ERAP1: variants seen among roughly 807,000 people sequenced by gnomAD.
ERAP1 encodes the protein endoplasmic reticulum aminopeptidase 1, also known as adipocyte-derived leucine aminopeptidase.
A neutral mutation model predicts 103.7 loss-of-function variants in ERAP1; 86 were observed. The ratio of observed to expected loss-of-function variants is 0.83; its 90% CI spans 0.70 to 0.99. The LOEUF is 0.99. Ranked by LOEUF, ERAP1 falls within the 50% of genes least tolerant of loss-of-function variation. The pLI, the probability that ERAP1 is intolerant of heterozygous loss-of-function variation, is 0.00. For synonymous variants in ERAP1, 398 were observed against 402.4 expected (o/e 0.99, Z 0.13); for missense variants, 1,009 against 1,128.4 (o/e 0.89, Z 1.52).
chr5:96,771,641 T>C (rs762352810), downstream of ERAP1: 4 of 1,611,600 alleles, frequency 2.5e-6, no homozygotes, highest in South Asian at 4.4e-5. Flanking sequence ...CTTTCCCTTT[T>C]AGACAACAGA....
the ERAP1 span, among the ~76,000 whole-genome samples, chr5:96,887,073 G>GTGTATATA: frequency 9.2e-4 from 80 of 87,194 alleles, 1 homozygote; most frequent in African/African-American, 3.4e-3. Context: ...AATTTTCAAA[G>GTGTATATA]TATATATATA....
chr5:96,889,258 A>AT, the ERAP1 span: 16 of 1,613,894 alleles, frequency 9.9e-6, no homozygotes, highest in African/African-American at 1.3e-5. Flanking sequence ...AAGCTACTTG[A>AT]TTTTTATGAA....
chr5:96,762,184 A>C (rs1039385313), exon 20 of ERAP1: 1 of 670,096 alleles, frequency 1.5e-6, no homozygotes, highest in Non-Finnish European at 2.5e-6. Context: ...ACAGTCATTA[A>C]GCTATCTTTA....
At chr5:96,769,267 T>G (rs1771246651) in intron 19 of ERAP1, 1 of 152,166 alleles carries the variant, frequency 6.6e-6, no homozygotes. Flanking sequence ...CTCTCACCCC[T>G]GGTAACTCGT....
chr5:96,881,628 C>T, the ERAP1 span: 1 of 395,288 alleles, frequency 2.5e-6, no homozygotes, highest in African/African-American at 2.1e-5. Flanking sequence ...GCTCAGATTG[C>T]TATAGTGCTG....
chr5:96,790,754 C>T lies in ERAP1; in HGVS notation c.1321-111G>A. 4.0e-6 allele frequency: 4 copies of T among 989,682 alleles called. No homozygotes were observed. The South Asian group carries it at 5.7e-5, about 14-fold the overall frequency. 61.3% of individuals were successfully genotyped at this position (989,682 alleles called of 1,614,324 possible). On this transcript the variant is annotated intron_variant, in intron 8 of 18. Transcript: ENST00000443439. ...TTCTTTGAAAACGCAACTGCAGGAA[C>T]ACTGTTAATGTCTGGCAATTTGTGA...
At chr5:96,911,964 C>T in the ERAP1 span, among the ~76,000 whole-genome samples, 7 of 147,908 alleles carry the variant, frequency 4.7e-5, no homozygotes, top group Admixed American at 1.3e-4. Context: ...CTGAGGCGGG[C>T]GGATCACGAG....
At chr5:96,879,750 T>G in the ERAP1 span, 16 of 1,614,096 alleles carry the variant, frequency 9.9e-6, no homozygotes, top group Non-Finnish European at 1.2e-5. Context: ...CACAGAGGAT[T>G]TTACTGCTTA....
chr5:96,798,236 A>G (rs1408101578), intron 3 of ERAP1, among the ~76,000 whole-genome samples: 1 of 149,682 alleles, frequency 6.7e-6, no homozygotes, highest in Non-Finnish European at 1.5e-5. Context: ...GAGGCAGGAG[A>G]ATGGCATGAA....
the ERAP1 span, among the ~76,000 whole-genome samples, chr5:96,856,365 T>TATAGAG: frequency 6.4e-4 from 13 of 20,382 alleles, no homozygotes; most frequent in Middle Eastern, 0.031. Flanking sequence ...TATATATATA[T>TATAGAG]AGAGAGAGAG....
upstream of ERAP1, chr5:96,807,956 G>A: frequency 1.0e-6 from 1 of 985,838 alleles, no homozygotes; most frequent in South Asian, 4.7e-5. Context: ...GGAGCCCGGG[G>A]AGCGGCAGGC....
the ERAP1 span, among the ~76,000 whole-genome samples, chr5:96,882,939 A>C: frequency 6.6e-6 from 1 of 152,114 alleles, no homozygotes; most frequent in Non-Finnish European, 1.5e-5. Context: ...TTCACTTCTT[A>C]ATTGAAGCTT....
intron 12 of ERAP1, 65 bp from the exon 13 acceptor site, chr5:96,786,036 C>G: frequency 6.9e-7 from 1 of 1,455,312 alleles, no homozygotes; most frequent in Non-Finnish European, 9.6e-7. Flanking sequence ...TTTTCTCATC[C>G]AAGATTGGGC....
chr5:96,891,500 TA>T, the ERAP1 span, among the ~76,000 whole-genome samples: 1 of 25,142 alleles, frequency 4.0e-5, no homozygotes. Flanking sequence ...TGTGTGTGTG[TA>T]TATATATATA....
At chr5:96,878,492 C>A in the ERAP1 span, among the ~76,000 whole-genome samples, 10 of 152,064 alleles carry the variant, frequency 6.6e-5, no homozygotes, top group Admixed American at 4.6e-4. Flanking sequence ...AGACATCTTG[C>A]ACAGTTTACT....
chr5:96,909,968 C>A, the ERAP1 span: 1 of 495,910 alleles, frequency 2.0e-6, no homozygotes. Context: ...GTAATGGTGT[C>A]CATTATTCCG....
rs1561653411 is a variant in ERAP1, at chr5:96,774,984, TCTC to T, written c.*1409_*1411del. On this transcript the variant is annotated 3_prime_UTR_variant, in exon 19 of 19. Coordinates refer to ENST00000443439, the MANE Select transcript of ERAP1 (RefSeq NM_001040458.3). ...TATATTCAAAAAGTTCAGTTTGAAT[TCTC>T]CTTTGCCAGGTGTGAGGATTTCCGC... is the stretch of plus-strand genomic sequence containing the variant. 5.1e-6 allele frequency: 5 copies of T among 985,420 alleles called. No homozygotes were observed. Among genetic ancestry groups the T allele is most frequent in the African/African-American group, 1.7e-5 (1 of 57,220 alleles). The allele number at this position is 985,420 out of a possible 1,614,324, so 61.0% of individuals were successfully genotyped here.
the ERAP1 span, among the ~76,000 whole-genome samples, chr5:96,930,609 T>A: frequency 6.6e-6 from 1 of 152,198 alleles, no homozygotes; most frequent in Non-Finnish European, 1.5e-5. Flanking sequence ...TCCAAATTTG[T>A]GAACCTCATC....
the ERAP1 span, among the ~76,000 whole-genome samples, chr5:96,859,210 G>A: frequency 2.0e-5 from 3 of 152,020 alleles, no homozygotes; most frequent in Non-Finnish European, 2.9e-5. Context: ...GTCTCTGGGC[G>A]ACACAGGAGT....
Sources: gnomAD v4.1 joint callset for allele counts (sites outside exome capture counted in the v4.1 genomes callset) on GRCh38, gnomAD v4.1.1 for gene constraint, MANE v1.5 for transcripts, NCBI Gene and HGNC (gene_info 2026-07-23, HGNC 2026-07-21) for gene names.